TNPO3: variants seen among roughly 807,000 people sequenced by gnomAD.
TNPO3 encodes transportin 3.
A neutral mutation model predicts 122.8 loss-of-function variants in TNPO3; 65 were observed. The observed-to-expected ratio is 0.53, with a 90% CI of 0.43 to 0.65. The LOEUF is 0.65. Among genes scored for constraint, TNPO3 ranks in the 30% least tolerant of loss-of-function variants. The pLI, the probability that TNPO3 is intolerant of heterozygous loss-of-function variation, is 0.00. For synonymous variants in TNPO3, 372 were observed against 411.2 expected, an observed-to-expected ratio of 0.90 and a Z score of 1.15; for missense variants, 850 against 1,136.7, an observed-to-expected ratio of 0.75 and a Z score of 3.63.
chr7:129,053,009 G>GT (rs1483650318), intron 1 of TNPO3, among the ~76,000 whole-genome samples: 1 of 152,110 alleles, frequency 6.6e-6, no homozygotes, highest in Non-Finnish European at 1.5e-5. Flanking sequence ...TTGGGTGCCA[G>GT]TTTTTTAGGT....
chr7:129,014,088 T>C (rs1266303023), intron 4 of TNPO3, among the ~76,000 whole-genome samples: 3 of 152,052 alleles, frequency 2.0e-5, no homozygotes, highest in Non-Finnish European at 2.9e-5. Context: ...TAATAATTTA[T>C]TGAGTACTTC....
At chr7:128,984,294 A>G (rs764051497) in intron 12 of TNPO3, 35 bp from the exon 13 acceptor site, 1 of 1,520,184 alleles carries the variant, frequency 6.6e-7, no homozygotes, top group Non-Finnish European at 9.1e-7. Flanking sequence ...TGAAAAATAA[A>G]CGCTGAATTG....
chr7:129,005,040 T>C lies in TNPO3; in HGVS notation c.672A>G (p.Leu224=). Residue 224 remains leucine (L), a synonymous_variant, in exon 5 of 23, where the codon TTA becomes TTG. Transcript: ENST00000265388. ...CCAAAACCTCAAAAAGGAGTGCTAG[T>C]AATTTATTGTTAGCCATGAAGTTAC... is the stretch of plus-strand genomic sequence containing the variant. ...LDSNFMANNK[L]LALLFEVLQQ... 1 of 1,613,526 alleles carries C rather than the reference T, an allele frequency of 6.2e-7. No homozygotes were observed. The highest frequency in any genetic ancestry group is 8.5e-7 in the Non-Finnish European group (1 of 1,179,750).
At chr7:129,026,286 G>A (rs1403917045) in intron 1 of TNPO3, among the ~76,000 whole-genome samples, 2 of 151,876 alleles carry the variant, frequency 1.3e-5, no homozygotes, top group African/African-American at 4.8e-5. Flanking sequence ...ACAATTACTT[G>A]CCCCCAGGCA....
chr7:129,051,937 C>T (rs766856947), intron 1 of TNPO3, among the ~76,000 whole-genome samples: 26 of 152,234 alleles, frequency 1.7e-4, no homozygotes, highest in Non-Finnish European at 3.5e-4. Flanking sequence ...AGCCACTGCA[C>T]GCCCAGCCTG....
Position 128,958,797 on chromosome 7 carries a change from T to A in TNPO3, c.2712-1482A>T, listed in dbSNP as rs145739347. Reference sequence around the variant, plus strand: ...AAATAAGGCAGGTGGCCAGGCACAGTGGCTCATGCTTGTAATCCCAACACA... The same window carrying A: ...AAATAAGGCAGGTGGCCAGGCACAGAGGCTCATGCTTGTAATCCCAACACA... On this transcript the variant is annotated intron_variant, in intron 21 of 22. Coordinates refer to ENST00000265388, the MANE Select transcript of TNPO3 (RefSeq NM_012470.4). Among the ~76,000 whole-genome samples, 8 of 152,292 alleles carry A rather than the reference T, an allele frequency of 5.3e-5. No individual in the cohort carries two copies. In the East Asian group the frequency reaches 1.5e-3, roughly 29 times the overall value.
chr7:128,973,654 T>C (rs1403444021), intron 18 of TNPO3, among the ~76,000 whole-genome samples: 2 of 127,928 alleles, frequency 1.6e-5, no homozygotes, highest in Admixed American at 2.1e-4. Context: ...GAGAATGGCG[T>C]GAACCCAGGA....
At chr7:129,007,889 G>A (rs183979017) in intron 4 of TNPO3, among the ~76,000 whole-genome samples, 105 of 152,094 alleles carry the variant, frequency 6.9e-4, no homozygotes, top group African/African-American at 2.4e-3. Context: ...GGTGGCTCAC[G>A]GCTGTAATCC....
chr7:128,975,724 A>C, intron 17 of TNPO3, 95 bp downstream of exon 17: 2 of 778,736 alleles, frequency 2.6e-6, no homozygotes, highest in South Asian at 3.4e-5. Context: ...GAAAACATAA[A>C]GAAGCAACAG....
At chr7:128,994,987 G>GT (rs1369993512) in intron 8 of TNPO3, among the ~76,000 whole-genome samples, 2 of 151,928 alleles carry the variant, frequency 1.3e-5, no homozygotes, top group African/African-American at 4.8e-5. Context: ...TTTTATAGAG[G>GT]TAAGGTCTCA....
At chr7:128,964,428 C>T (rs1303670516) in intron 21 of TNPO3, among the ~76,000 whole-genome samples, 5 of 151,610 alleles carry the variant, frequency 3.3e-5, no homozygotes, top group Admixed American at 2.0e-4. Context: ...CTCCACCTCC[C>T]GGGTTCACGC....
At chr7:129,047,613 C>T (rs1808210184) in intron 1 of TNPO3, among the ~76,000 whole-genome samples, 1 of 152,194 alleles carries the variant, frequency 6.6e-6, no homozygotes, top group African/African-American at 2.4e-5. Context: ...CAGGCTAAAG[C>T]ATATTCAAAT....
chr7:129,055,681 T>G (rs17167028), upstream of TNPO3: 1 of 199,974 alleles, frequency 5.0e-6, no homozygotes, highest in East Asian at 1.4e-4. Context: ...CCAGAGCATT[T>G]TGCATACATC....
rs1584586098 is a variant in TNPO3, at chr7:129,033,395, C to T, written c.121-15238G>A. 2.0e-5 allele frequency among the ~76,000 whole-genome samples: 3 copies of T among 152,232 alleles called. No individual in the cohort carries two copies. The South Asian group carries it at 6.2e-4, about 32-fold the overall frequency. ...AAAGCCACAACAAAATATTACCTCA[C>T]ACCCAATAGAATGACCACTATCCAA... On this transcript the variant is annotated intron_variant, in intron 1 of 22. Coordinates refer to ENST00000265388, the MANE Select transcript of TNPO3 (RefSeq NM_012470.4).
chr7:128,984,874 A>G (rs1260358168), intron 12 of TNPO3, among the ~76,000 whole-genome samples: 1 of 152,168 alleles, frequency 6.6e-6, no homozygotes, highest in Non-Finnish European at 1.5e-5. Context: ...TTTCCCTCCT[A>G]AACAAATCTT....
chr7:128,989,881 C>T, intron 11 of TNPO3, 80 bp downstream of exon 11: 1 of 1,521,942 alleles, frequency 6.6e-7, no homozygotes, highest in Non-Finnish European at 9.0e-7. Context: ...GAAAGGAAAA[C>T]ACATGCAAAA....
intron 7 of TNPO3, among the ~76,000 whole-genome samples, chr7:128,999,733 C>T (rs1453179741): frequency 6.6e-6 from 1 of 152,116 alleles, no homozygotes; most frequent in Non-Finnish European, 1.5e-5. Context: ...GCCTCAGCCT[C>T]CCAAGTAGCT....
intron 7 of TNPO3, among the ~76,000 whole-genome samples, chr7:128,999,010 C>A: frequency 6.6e-6 from 1 of 151,976 alleles, no homozygotes. Flanking sequence ...CGCACCATCA[C>A]CCCAGCTAAT....
intron 14 of TNPO3, among the ~76,000 whole-genome samples, chr7:128,980,613 G>T (rs976661231): frequency 2.6e-5 from 4 of 151,946 alleles, no homozygotes; most frequent in Admixed American, 2.6e-4. Context: ...TCACTTGAAC[G>T]TGGGAGGCAG....
Sources: gnomAD v4.1 joint callset for allele counts (sites outside exome capture counted in the v4.1 genomes callset) on GRCh38, gnomAD v4.1.1 for gene constraint, MANE v1.5 for transcripts, NCBI Gene and HGNC (gene_info 2026-07-23, HGNC 2026-07-21) for gene names.